The following ELOVL3 variants were observed in gnomAD, a reference collection of about 807,000 sequenced individuals.
ELOVL3 encodes the protein very long chain fatty acid elongase 3.
Under a neutral mutation model 14.9 loss-of-function variants are expected in ELOVL3, and 11 were observed. That is an observed-to-expected ratio of 0.74 (90% CI 0.46 to 1.22). ELOVL3 has a LOEUF of 1.22. ELOVL3 is among the 50% of genes most tolerant of loss of function. ELOVL3 has a pLI of 0.00. For missense variants in ELOVL3, 277 were observed against 338.9 expected, an observed-to-expected ratio of 0.82 and a Z score of 1.43; for synonymous variants, 117 against 124.7, an observed-to-expected ratio of 0.94 and a Z score of 0.41.
chr10:102,227,508 T>C, intron 1 of ELOVL3, 118 bp from the exon 2 acceptor site: 1 of 1,180,696 alleles, frequency 8.5e-7, no homozygotes, highest in Non-Finnish European at 1.2e-6. Flanking sequence ...CAATGTCACA[T>C]AGCTAGTAAG....
chr10:102,229,259 G>A lies in ELOVL3; in HGVS notation c.*7G>A, dbSNP rs536910805. 2.5e-6 allele frequency: 4 copies of A among 1,599,098 alleles called. No individual in the cohort carries two copies. The African/African-American group carries it at 4.0e-5, about 16-fold the overall frequency. On this transcript the variant is annotated 3_prime_UTR_variant, in exon 4 of 4. Transcript: ENST00000370005. ...CAAGACCAAGAGCCAGTGAAGGTTT[G>A]GAGAGAACAATGAAGCTCCAGGCTC... is the stretch of plus-strand genomic sequence containing the variant.
rs747490814 is a variant in ELOVL3 at position 102,229,099 on chromosome 10, G to A, written c.660G>A (p.Thr220=). 18 of 1,613,988 alleles carry A rather than the reference G, an allele frequency of 1.1e-5. No individual in the cohort carries two copies. Among genetic ancestry groups the A allele is most frequent in the East Asian group, 8.9e-5 (4 of 44,888 alleles). ...MFVGAIVSIL[T]YIWRQDQGCH... ...TAGGAGCCATCGTCAGCATCCTCAC[G>A]TACATCTGGAGGCAGGATCAGGGAT... Residue 220 remains threonine, a synonymous_variant, in exon 4 of 4, where the codon ACG becomes ACA. Coordinates refer to ENST00000370005, the MANE Select transcript of ELOVL3 (RefSeq NM_152310.3).
chr10:102,227,098 C>G (rs2070142279), intron 1 of ELOVL3, among the ~76,000 whole-genome samples: 1 of 152,090 alleles, frequency 6.6e-6, no homozygotes, highest in South Asian at 2.1e-4. Context: ...GAGAGCTCTT[C>G]CAAGCTTTCC....
Position 102,228,522 on chromosome 10 carries a change from CA to C in ELOVL3, c.342del (p.Lys114AsnfsTer13), listed in dbSNP as rs753575643. ...FINFIDNSTV[K>X]FWSWVFLLSK... ...TCAACTTCATCGATAATTCCACAGT[CA>C]AATTCTGGTCCTGGGTCTTTCTTCT... is the stretch of plus-strand genomic sequence containing the variant. On this transcript the variant is annotated frameshift_variant, in exon 3 of 4. Coordinates refer to ENST00000370005, the MANE Select transcript of ELOVL3 (RefSeq NM_152310.3). LOFTEE classifies it low-confidence loss of function (END_TRUNC). 5 of 1,614,122 alleles carry C rather than the reference CA, an allele frequency of 3.1e-6. No individual in the cohort carries two copies. Among genetic ancestry groups the C allele is most frequent in the Middle Eastern group, 1.6e-4 (1 of 6,062 alleles).
At chr10:102,228,765 C>A in intron 3 of ELOVL3, 60 bp from the exon 4 acceptor site, 1 of 1,521,694 alleles carries the variant, frequency 6.6e-7, no homozygotes, top group Non-Finnish European at 9.0e-7. Flanking sequence ...TCCCTACATC[C>A]AGTGCAGAGG....
In ELOVL3 at chr10:102,227,718, G is replaced by A. The variant is rs776634398; in HGVS notation, c.194G>A (p.Gly65Glu). Reference protein sequence around the residue: ...MKERKGFNLQGPLILWSFCLA... With the variant: ...MKERKGFNLQEPLILWSFCLA... ...GAACGCAAGGGCTTCAACCTGCAAG[G>A]GCCTCTCATCCTCTGGTCCTTCTGC... Residue 65 changes from glycine (G) to glutamate (E), a missense_variant, in exon 2 of 4, where the codon GGG becomes GAG. By Grantham distance (98) the Gly-to-Glu change is moderately conservative. Coordinates refer to ENST00000370005, the MANE Select transcript of ELOVL3 (RefSeq NM_152310.3). The A allele has an allele frequency of 6.2e-7, 1 of 1,613,514 alleles. No homozygotes were observed. The highest frequency in any genetic ancestry group is 1.7e-5 in the Admixed American group (1 of 59,950).
chr10:102,228,794 G>C, intron 3 of ELOVL3, 31 bp from the exon 4 acceptor site: 1 of 1,582,786 alleles, frequency 6.3e-7, no homozygotes. Context: ...AGCACTGGGT[G>C]GTATGCCAAC....
At chr10:102,226,170 A>G (rs1031112088), upstream of ELOVL3, among the ~76,000 whole-genome samples, 4 of 152,122 alleles carry the variant, frequency 2.6e-5, no homozygotes, top group African/African-American at 9.7e-5. Flanking sequence ...ATGGCCTACG[A>G]CGGGACTTGG....
In ELOVL3 at chr10:102,228,925, C is replaced by G; in HGVS notation, c.486C>G (p.Asn162Lys). 2 of 1,614,214 alleles carry G rather than the reference C, an allele frequency of 1.2e-6. No homozygotes were observed. The highest frequency in any genetic ancestry group is 1.7e-6 in the Non-Finnish European group (2 of 1,180,042). Residue 162 changes from asparagine (N) to lysine (K), a missense_variant, in exon 4 of 4, where the codon AAC becomes AAG. Coordinates refer to ENST00000370005, the MANE Select transcript of ELOVL3 (RefSeq NM_152310.3). ...TGTACACAAGCTTTGGATACAAGAA[C>G]AAAGTGCCTGCAGGAGGCTGGTTCG... ...VLVYTSFGYKNKVPAGGWFVT... is the reference protein window; with the variant it reads ...VLVYTSFGYKKKVPAGGWFVT...
chr10:102,226,352 A>G lies in ELOVL3; in HGVS notation c.-197A>G, dbSNP rs1456776875. On this transcript the variant is annotated 5_prime_UTR_variant, in exon 1 of 4. In the 5' UTR this introduces an upstream ATG that the reference lacks. Coordinates refer to ENST00000370005, the MANE Select transcript of ELOVL3 (RefSeq NM_152310.3). Reference sequence around the variant, plus strand: ...AGGCAGCTTTGCAAGTCCGCGTTATATATCGCAGTGGCTGCGCCCGGGATA... The same window carrying G: ...AGGCAGCTTTGCAAGTCCGCGTTATGTATCGCAGTGGCTGCGCCCGGGATA... 5.4e-6 allele frequency: 3 copies of G among 559,918 alleles called. No individual in the cohort carries two copies. The highest frequency in any genetic ancestry group is 3.8e-5 in the African/African-American group (2 of 52,144). The allele number at this position is 559,918 out of a possible 1,614,324, so 34.7% of individuals were successfully genotyped here. A position where few individuals can be genotyped will look rare whatever the true frequency, so the allele number is the denominator to read the frequency against.
chr10:102,226,683 G>C (rs766429536), intron 1 of ELOVL3, 34 bp downstream of exon 1: 3 of 1,549,492 alleles, frequency 1.9e-6, no homozygotes, highest in Non-Finnish European at 2.7e-6. Context: ...GCCATGCCAG[G>C]GCCCCGGGGC....
At position 102,228,576 on chromosome 10, in the gene ELOVL3, G is replaced by T. The variant is rs565034871; in HGVS notation, c.385+8G>T. The T allele has an allele frequency of 1.2e-6, 2 of 1,613,618 alleles. No homozygotes were observed. The highest frequency in any genetic ancestry group is 2.7e-5 in the African/African-American group (2 of 75,006). ...GCAAGGTCATAGAACTCGGTGAGTG[G>T]CAAAGCTTTGTCTTTCTGGTGCCTT... On this transcript the variant is annotated splice_region_variant and intron_variant, in intron 3 of 3. Coordinates refer to ENST00000370005, the MANE Select transcript of ELOVL3 (RefSeq NM_152310.3).
rs778425037 is a variant in ELOVL3 at position 102,228,955 on chromosome 10, C to T, written c.516C>T (p.Thr172=). 3 of 1,614,142 alleles carry T rather than the reference C, an allele frequency of 1.9e-6. No individual in the cohort carries two copies. Among genetic ancestry groups the T allele is most frequent in the South Asian group, 1.1e-5 (1 of 91,080 alleles). Residue 172 remains threonine (T), a synonymous_variant, in exon 4 of 4, where the codon ACC becomes ACT. Transcript: ENST00000370005. ...TGCCTGCAGGAGGCTGGTTCGTCAC[C>T]ATGAACTTTGGTGTTCATGCCATCA... ...NKVPAGGWFV[T]MNFGVHAIMY...
intron 2 of ELOVL3, 48 bp downstream of exon 2, chr10:102,227,805 C>G (rs368580874): frequency 1.9e-6 from 3 of 1,600,542 alleles, no homozygotes; most frequent in East Asian, 4.5e-5. Flanking sequence ...CTTAGACCAC[C>G]ATTCTATCCC....
Position 102,229,333 on chromosome 10 carries a change from T to G in ELOVL3, c.*81T>G. 7.4e-7 allele frequency: 1 copy of G among 1,350,824 alleles called. No homozygotes were observed. The highest frequency in any genetic ancestry group is 1.0e-6 in the Non-Finnish European group (1 of 995,678). The allele number at this position is 1,350,824 out of a possible 1,614,324, so 83.7% of individuals were successfully genotyped here. ...GCTGGGCTTAGTTTTGGGAGAATGA[T>G]TAGGTTGCCTTACCTGCATGGTTTC... On this transcript the variant is annotated 3_prime_UTR_variant, in exon 4 of 4. Transcript: ENST00000370005.
In ELOVL3 at chr10:102,229,214, A is replaced by G. The variant is rs1206138672; in HGVS notation, c.775A>G (p.Ile259Val). 6.2e-7 allele frequency: 1 copy of G among 1,613,544 alleles called. No individual in the cohort carries two copies. Among genetic ancestry groups the G allele is most frequent in the South Asian group, 1.1e-5 (1 of 91,030 alleles). Reference protein sequence around the residue: ...LFAHFFCQTYIRPKVKAKTKS... With the variant: ...LFAHFFCQTYVRPKVKAKTKS... ...TGCCCACTTCTTCTGCCAGACCTAC[A>G]TCAGGCCCAAGGTCAAAGCCAAGAC... Residue 259 changes from isoleucine (I) to valine (V), a missense_variant, in exon 4 of 4, where the codon ATC becomes GTC. By Grantham distance (29) the Ile-to-Val change is conservative (BLOSUM62 3). Coordinates refer to ENST00000370005, the MANE Select transcript of ELOVL3 (RefSeq NM_152310.3).
intron 2 of ELOVL3, 94 bp from the exon 3 acceptor site, chr10:102,228,323 G>A (rs1484702692): frequency 1.5e-5 from 21 of 1,414,096 alleles, no homozygotes; most frequent in Middle Eastern, 2.4e-4. Flanking sequence ...AGGTGGTAGA[G>A]CTTGGAACAC....
Position 102,227,643 on chromosome 10 carries a change from T to A in ELOVL3, c.119T>A (p.Ile40Lys). The A allele has an allele frequency of 6.2e-7, 1 of 1,613,328 alleles. No individual in the cohort carries two copies. Among genetic ancestry groups the A allele is most frequent in the Non-Finnish European group, 8.5e-7 (1 of 1,179,684 alleles). Residue 40 changes from isoleucine (I) to lysine (K), a missense_variant, in exon 2 of 4, where the codon ATA becomes AAA. By Grantham distance (102) the Ile-to-Lys change is moderately radical. Transcript: ENST00000370005. ...CTTGCCAGGGCAACCTCATTCCCCA[T>A]AGCCCTGATCTACCTGGTTCTCATC... ...FEEYWATSFP[I>K]ALIYLVLIAV...
rs2070169247 is a variant in ELOVL3 at position 102,229,022 on chromosome 10, C to T, written c.583C>T (p.Pro195Ser). 3.7e-6 allele frequency: 6 copies of T among 1,614,048 alleles called. No individual in the cohort carries two copies. The highest frequency in any genetic ancestry group is 1.3e-5 in the African/African-American group (1 of 74,910). ...TCTGAAGGCTGCCAACGTGAAGCCC[C>T]CCAAGATGCTGCCCATGCTCATCAC... ...YTLKAANVKP[P>S]KMLPMLITSL... Residue 195 changes from proline to serine, a missense_variant, in exon 4 of 4, where the codon CCC becomes TCC. Coordinates refer to ENST00000370005, the MANE Select transcript of ELOVL3 (RefSeq NM_152310.3).
Sources: allele counts gnomAD v4.1 joint callset (sites outside exome capture counted in the v4.1 genomes callset), GRCh38; gene constraint gnomAD v4.1.1; transcripts MANE v1.5; gene names NCBI Gene and HGNC (gene_info 2026-07-23, HGNC 2026-07-21).